The following GAS7 variants were observed in gnomAD, a reference collection of about 807,000 sequenced individuals.
GAS7 encodes the protein growth arrest specific 7, also known as growth arrest-specific protein 7.
A neutral mutation model predicts 71.1 loss-of-function variants in GAS7; 28 were observed. The observed-to-expected ratio is 0.39, with a 90% confidence interval of 0.29 to 0.54. The LOEUF is 0.54. GAS7 is among the 20% of genes least tolerant of loss of function. GAS7 has a pLI of 0.62. For synonymous variants in GAS7, 258 were observed against 245.8 expected, an observed-to-expected ratio of 1.05 and a Z score of -0.46; for missense variants, 436 against 627.8, an observed-to-expected ratio of 0.69 and a Z score of 3.27.
At chr17:10,170,771 G>A (rs1431767324) in intron 1 of GAS7, among the ~76,000 whole-genome samples, 3 of 152,172 alleles carry the variant, frequency 2.0e-5, no homozygotes, top group African/African-American at 4.8e-5. Flanking sequence ...AATGAGCCCC[G>A]TATCTTGTTA....
intron 1 of GAS7, among the ~76,000 whole-genome samples, chr17:10,163,458 A>T (rs1226805544): frequency 6.6e-6 from 1 of 152,160 alleles, no homozygotes; most frequent in African/African-American, 2.4e-5. Context: ...AAAAAAAAGA[A>T]AGGGAAACAT....
chr17:10,106,144 C>A (rs889075578), intron 1 of GAS7, among the ~76,000 whole-genome samples: 4 of 152,214 alleles, frequency 2.6e-5, no homozygotes, highest in African/African-American at 9.7e-5. Context: ...ATCTTCTGGT[C>A]CCAAATAGCC....
chr17:9,998,671 GA>G (rs2071141847), intron 2 of GAS7, among the ~76,000 whole-genome samples: 2 of 133,908 alleles, frequency 1.5e-5, no homozygotes, highest in Admixed American at 1.4e-4. Context: ...GACAAAGACA[GA>G]AAGACAGAAA....
chr17:10,012,587 G>A (rs547397360), intron 2 of GAS7, among the ~76,000 whole-genome samples: 35 of 152,168 alleles, frequency 2.3e-4, no homozygotes, highest in African/African-American at 7.9e-4. Flanking sequence ...ACACCCAGCC[G>A]ACCTTTCAAT....
At chr17:10,071,694 G>A (rs566066211) in intron 1 of GAS7, among the ~76,000 whole-genome samples, 10 of 152,306 alleles carry the variant, frequency 6.6e-5, no homozygotes, top group Non-Finnish European at 1.5e-4. Context: ...GGAGGCCAAG[G>A]CAGGCAGATC....
intron 2 of GAS7, among the ~76,000 whole-genome samples, chr17:10,009,445 T>C (rs1201440217): frequency 6.6e-6 from 1 of 151,048 alleles, no homozygotes; most frequent in African/African-American, 2.4e-5. Context: ...ATCAAGAAAA[T>C]TACTATTTGG....
rs1567875532 is a variant in GAS7, at chr17:10,001,828, T to TA, written c.304+17948_304+17949insT. Reference sequence around the variant, plus strand: ...TACCAAAAAACAAAAACACATAATTTTAAAAAAATCCATCTCTCTTGGAAC... The same window carrying TA: ...TACCAAAAAACAAAAACACATAATTTATAAAAAAATCCATCTCTCTTGGAAC... On this transcript the variant is annotated intron_variant, in intron 2 of 13. Transcript: ENST00000432992. Among the ~76,000 whole-genome samples, 8 of 152,142 alleles carry TA rather than the reference T, an allele frequency of 5.3e-5. No individual in the cohort carries two copies. The East Asian group carries it at 9.7e-4, about 18-fold the overall frequency.
chr17:10,167,044 C>CTTTTTTTTTTTTTTTTTTTTT lies in GAS7; in HGVS notation c.183+31143_183+31163dup, dbSNP rs1164151104. ...AAACCAATCTACTATTTCCATTTGT[C>CTTTTTTTTTTTTTTTTTTTTT]TTTTTTTTTTTTTTTTTTTTTTTTT... On this transcript the variant is annotated intron_variant, in intron 1 of 13. Coordinates refer to ENST00000432992, the MANE Select transcript of GAS7 (RefSeq NM_201433.2). Among the ~76,000 whole-genome samples, 8 of 58,818 alleles carry CTTTTTTTTTTTTTTTTTTTTT rather than the reference C, an allele frequency of 1.4e-4. 1 individual carries two copies. The highest frequency in any genetic ancestry group is 6.7e-4 in the South Asian group (1 of 1,486). 38.6% of individuals were successfully genotyped at this position (58,818 alleles called of 152,430 possible). A position where few individuals can be genotyped will look rare whatever the true frequency, so the allele number is the denominator to read the frequency against.
Position 9,913,634 on chromosome 17 carries a change from G to C in GAS7, c.*3594C>G, listed in dbSNP as rs76825737. On this transcript the variant is annotated 3_prime_UTR_variant, in exon 14 of 14. Coordinates refer to ENST00000432992, the MANE Select transcript of GAS7 (RefSeq NM_201433.2). ...GCCTCCCACCGCAGAAATTCTCCTT[G>C]GCCAACAGGGTGCTGAGTGGAGGTA... 853 of 230,898 alleles carry C rather than the reference G, an allele frequency of 3.7e-3. 7 individuals carry two copies. Among genetic ancestry groups the C allele is most frequent in the African/African-American group, 0.018 (806 of 45,286 alleles). 14.3% of individuals were successfully genotyped at this position (230,898 alleles called of 1,614,324 possible).
intron 1 of GAS7, among the ~76,000 whole-genome samples, chr17:10,177,213 T>C (rs1490633960): frequency 6.6e-6 from 1 of 152,120 alleles, no homozygotes; most frequent in Non-Finnish European, 1.5e-5. Context: ...GGGCTGGATC[T>C]TGATAAAAGA....
chr17:10,041,895 C>T (rs548564818), intron 1 of GAS7, among the ~76,000 whole-genome samples: 1 of 152,256 alleles, frequency 6.6e-6, no homozygotes, highest in East Asian at 1.9e-4. Flanking sequence ...TAAGACCAAC[C>T]CTCTTATTAT....
At chr17:10,175,132 C>T (rs1274698227) in intron 1 of GAS7, among the ~76,000 whole-genome samples, 1 of 151,924 alleles carries the variant, frequency 6.6e-6, no homozygotes, top group Non-Finnish European at 1.5e-5. Flanking sequence ...GGGCACGAGC[C>T]ACCACGCGCG....
At position 10,141,316 on chromosome 17, in the gene GAS7, C is replaced by T. The variant is rs193100722; in HGVS notation, c.183+56892G>A. Among the ~76,000 whole-genome samples the T allele has an allele frequency of 3.9e-4, 59 of 152,160 alleles. No individual in the cohort carries two copies. In the East Asian group the frequency reaches 9.8e-3, roughly 25 times the overall value. On this transcript the variant is annotated intron_variant, in intron 1 of 13. Transcript: ENST00000432992. ...ACAAAAATTTAGCCTAGCGTGGTGG[C>T]GGGAGCCTGTAGTCCCAGCTACTCG...
intron 3 of GAS7, among the ~76,000 whole-genome samples, chr17:9,978,809 T>G (rs2070303701): frequency 6.6e-6 from 1 of 152,210 alleles, no homozygotes; most frequent in Non-Finnish European, 1.5e-5. Context: ...CTGCTGCTTC[T>G]TGCTTCAATG....
At chr17:10,135,885 T>C (rs1198427666) in intron 1 of GAS7, among the ~76,000 whole-genome samples, 1 of 152,054 alleles carries the variant, frequency 6.6e-6, no homozygotes, top group Non-Finnish European at 1.5e-5. Context: ...CAGAAAACAG[T>C]AGGGGAAGAC....
Position 10,076,887 on chromosome 17 carries a change from A to G in GAS7, c.184-56990T>C, listed in dbSNP as rs573081170. Among the ~76,000 whole-genome samples the G allele has an allele frequency of 5.9e-5, 9 of 152,322 alleles. No homozygotes were observed. The South Asian group carries it at 1.9e-3, about 32-fold the overall frequency. On this transcript the variant is annotated intron_variant, in intron 1 of 13. Coordinates refer to ENST00000432992, the MANE Select transcript of GAS7 (RefSeq NM_201433.2). ...CCTGCAATGGACTTGACTAAACATC[A>G]TGAACAGAATAACTCTTACATTTCA...
chr17:10,028,015 C>T (rs944592778), intron 1 of GAS7, among the ~76,000 whole-genome samples: 2 of 152,208 alleles, frequency 1.3e-5, no homozygotes, highest in African/African-American at 4.8e-5. Context: ...TCCCAAGTAG[C>T]TGGGATTACA....
rs1181903287 is a variant in GAS7, at chr17:10,046,841, G to GAAAA, written c.184-26945_184-26944insTTTT. ...GGAAGGAAGGAAGGAAGGAAGGAAG[G>GAAAA]AAGGAAAGAAAAGAAAAGAAAAAAG... is the stretch of plus-strand genomic sequence containing the variant. On this transcript the variant is annotated intron_variant, in intron 1 of 13. Transcript: ENST00000432992. Among the ~76,000 whole-genome samples, 21 of 112,404 alleles carry GAAAA rather than the reference G, an allele frequency of 1.9e-4. 1 individual carries two copies. The highest frequency in any genetic ancestry group is 5.2e-4 in the East Asian group (2 of 3,840). 73.7% of individuals were successfully genotyped at this position (112,404 alleles called of 152,430 possible). A position where few individuals can be genotyped will look rare whatever the true frequency, so the allele number is the denominator to read the frequency against.
chr17:10,112,872 A>G (rs2073827496), intron 1 of GAS7, among the ~76,000 whole-genome samples: 2 of 152,140 alleles, frequency 1.3e-5, no homozygotes, highest in Admixed American at 1.3e-4. Flanking sequence ...GAAAAAGAAA[A>G]GAGAAAAGAG....
Sources: allele counts gnomAD v4.1 joint callset (sites outside exome capture counted in the v4.1 genomes callset), GRCh38; gene constraint gnomAD v4.1.1; transcripts MANE v1.5; gene names NCBI Gene and HGNC (gene_info 2026-07-23, HGNC 2026-07-21).